KCTD16: variants seen among roughly 807,000 people sequenced by gnomAD.
KCTD16 encodes potassium channel tetramerization domain containing 16, also known as BTB/POZ domain-containing protein KCTD16.
Under a neutral mutation model 33.2 loss-of-function variants are expected in KCTD16, and 13 were observed. The ratio of observed to expected loss-of-function variants is 0.39; its 90% CI spans 0.25 to 0.62. KCTD16 has a LOEUF of 0.62. Among genes scored for constraint, KCTD16 ranks in the 20% least tolerant of loss-of-function variants. KCTD16 has a pLI of 0.50. For synonymous variants in KCTD16, 197 were observed against 195.3 expected (o/e 1.01, Z -0.07); for missense variants, 441 against 525.1 (o/e 0.84, Z 1.57).
chr5:144,387,045 C>A (rs1475944347), intron 3 of KCTD16, among the ~76,000 whole-genome samples: 2 of 151,968 alleles, frequency 1.3e-5, no homozygotes, highest in Non-Finnish European at 2.9e-5. Flanking sequence ...TGGCTCACTG[C>A]AGCCTCAGTC....
At position 144,482,488 on chromosome 5, in the gene KCTD16, T is replaced by A. The variant is rs1754723325; in HGVS notation, c.*8374T>A. On this transcript the variant is annotated 3_prime_UTR_variant, in exon 4 of 4. Coordinates refer to ENST00000512467, the MANE Select transcript of KCTD16 (RefSeq NM_020768.4). The stretch of plus-strand genomic sequence containing the variant: ...AAATAGGTGTATGAGCGTGTTTATA[T>A]GTGTTTATGCATGAGTGTATCTAGG... The A allele has an allele frequency of 6.6e-6, 1 of 151,844 alleles. No homozygotes were observed. The highest frequency in any genetic ancestry group is 2.4e-5 in the African/African-American group (1 of 41,396). The allele number at this position is 151,844 out of a possible 1,614,324, so 9.4% of individuals were successfully genotyped here. A position where few individuals can be genotyped will look rare whatever the true frequency, so the allele number is the denominator to read the frequency against.
At chr5:144,390,535 T>A (rs983318990) in intron 3 of KCTD16, among the ~76,000 whole-genome samples, 46 of 151,708 alleles carry the variant, frequency 3.0e-4, no homozygotes, top group African/African-American at 1.1e-3. Flanking sequence ...AATTTTTTTT[T>A]TTATTATTAT....
intron 3 of KCTD16, among the ~76,000 whole-genome samples, chr5:144,361,615 C>T (rs1413829086): frequency 1.3e-5 from 2 of 152,154 alleles, no homozygotes; most frequent in African/African-American, 4.8e-5. Context: ...TTACTACCAC[C>T]TCAGGCTATG....
rs1231177337 is a variant in KCTD16 at position 144,476,020 on chromosome 5, A to G, written c.*1906A>G. The G allele has an allele frequency of 4.6e-5, 7 of 152,326 alleles. No individual in the cohort carries two copies. Among genetic ancestry groups the G allele is most frequent in the African/African-American group, 1.4e-4 (6 of 41,584 alleles). 9.4% of individuals were successfully genotyped at this position (152,326 alleles called of 1,614,324 possible). On this transcript the variant is annotated 3_prime_UTR_variant, in exon 4 of 4. Coordinates refer to ENST00000512467, the MANE Select transcript of KCTD16 (RefSeq NM_020768.4). ...GAATTTAAGTGGTATTCTTTTCTGT[A>G]TTAATATATTAGCAGATATTTGGTC...
At chr5:144,264,672 C>G (rs575063738) in intron 3 of KCTD16, among the ~76,000 whole-genome samples, 1 of 152,190 alleles carries the variant, frequency 6.6e-6, no homozygotes, top group South Asian at 2.1e-4. Context: ...ATTCAGGAGG[C>G]TGAGATGGGA....
intron 3 of KCTD16, among the ~76,000 whole-genome samples, chr5:144,301,671 G>A (rs566103224): frequency 8.9e-4 from 135 of 152,218 alleles, no homozygotes; most frequent in African/African-American, 3.0e-3. Context: ...CTTTGGTAAC[G>A]CTCTGTCATT....
intron 3 of KCTD16, among the ~76,000 whole-genome samples, chr5:144,287,912 G>A (rs984355042): frequency 1.3e-5 from 2 of 152,134 alleles, no homozygotes; most frequent in Non-Finnish European, 2.9e-5. Flanking sequence ...GGGATTACAG[G>A]CATGAGACAA....
At chr5:144,429,992 T>C (rs1753422150) in intron 3 of KCTD16, among the ~76,000 whole-genome samples, 1 of 152,058 alleles carries the variant, frequency 6.6e-6, no homozygotes, top group African/African-American at 2.4e-5. Flanking sequence ...TAGCTTTTTA[T>C]AGGATAACAA....
At chr5:144,467,431 G>T (rs1754372412) in intron 3 of KCTD16, among the ~76,000 whole-genome samples, 1 of 152,028 alleles carries the variant, frequency 6.6e-6, no homozygotes, top group Non-Finnish European at 1.5e-5. Context: ...GTATGCCCTG[G>T]CATGCTGATC....
intron 3 of KCTD16, among the ~76,000 whole-genome samples, chr5:144,377,233 A>G (rs1320312517): frequency 2.0e-5 from 3 of 152,116 alleles, no homozygotes; most frequent in Non-Finnish European, 4.4e-5. Flanking sequence ...CATCTTAACT[A>G]TAACATTTTC....
At chr5:144,310,812 T>C (rs1751744799) in intron 3 of KCTD16, among the ~76,000 whole-genome samples, 1 of 152,132 alleles carries the variant, frequency 6.6e-6, no homozygotes, top group Non-Finnish European at 1.5e-5. Flanking sequence ...TTACCCAAAC[T>C]GAAATTCACT....
chr5:144,388,065 G>GTTTTT lies in KCTD16; in HGVS notation c.833-85569_833-85565dup, dbSNP rs397999492. Among the ~76,000 whole-genome samples, 201 of 73,656 alleles carry GTTTTT rather than the reference G, an allele frequency of 2.7e-3. 30 individuals carry two copies. The highest frequency in any genetic ancestry group is 6.5e-3 in the African/African-American group (104 of 16,094). 48.3% of individuals were successfully genotyped at this position (73,656 alleles called of 152,430 possible). ...AATCCAGAGTTCAATTTTAGAGCAAGTTTTTTTTTTTTTTTTTTTTTTTTT... is the reference window on the plus strand; with the variant it reads ...AATCCAGAGTTCAATTTTAGAGCAAGTTTTTTTTTTTTTTTTTTTTTTTTTTTTTT... On this transcript the variant is annotated intron_variant, in intron 3 of 3. Coordinates refer to ENST00000512467, the MANE Select transcript of KCTD16 (RefSeq NM_020768.4).
In KCTD16 at chr5:144,207,169, C is replaced by T. The variant is rs1161435355; in HGVS notation, c.455C>T (p.Pro152Leu). ...ASQGSDTRIC[P>L]PSSLLPADRK... is the part of the protein sequence containing the mutation. Reference sequence around the variant, plus strand: ...CAAGGAAGCGACACAAGAATCTGCCCCCCTTCCTCCCTGCTCCCTGCCGAC... The same window carrying T: ...CAAGGAAGCGACACAAGAATCTGCCTCCCTTCCTCCCTGCTCCCTGCCGAC... Residue 152 changes from proline (P) to leucine (L), a missense_variant, in exon 3 of 4, where the codon CCC becomes CTC. Physicochemically the swap from Pro to Leu is moderately conservative, Grantham distance 98. Transcript: ENST00000512467. The T allele has an allele frequency of 6.2e-7, 1 of 1,612,596 alleles. No individual in the cohort carries two copies. The highest frequency in any genetic ancestry group is 8.5e-7 in the Non-Finnish European group (1 of 1,179,390).
In KCTD16 at chr5:144,477,472, A is replaced by G. The variant is rs1390462099; in HGVS notation, c.*3358A>G. The G allele has an allele frequency of 2.0e-5, 3 of 152,126 alleles. No individual in the cohort carries two copies. In the East Asian group the frequency reaches 5.8e-4, roughly 29 times the overall value. The allele number at this position is 152,126 out of a possible 1,614,324, so 9.4% of individuals were successfully genotyped here. On this transcript the variant is annotated 3_prime_UTR_variant, in exon 4 of 4. Coordinates refer to ENST00000512467, the MANE Select transcript of KCTD16 (RefSeq NM_020768.4). ...GGAACACATTTATTAAGGGATGTTG[A>G]CATGGAATTTTTCTCTTTTCAATTA...
chr5:144,249,500 C>T (rs1051819576), intron 3 of KCTD16, among the ~76,000 whole-genome samples: 22 of 152,188 alleles, frequency 1.4e-4, no homozygotes, highest in Middle Eastern at 3.4e-3. Context: ...ACATCTTAAG[C>T]ATTCAGTAAC....
At chr5:144,254,082 T>G (rs1754775958) in intron 3 of KCTD16, among the ~76,000 whole-genome samples, 1 of 152,146 alleles carries the variant, frequency 6.6e-6, no homozygotes, top group Non-Finnish European at 1.5e-5. Flanking sequence ...AAGGCCTGGA[T>G]AGGTCTTTGG....
At chr5:144,344,649 A>G (rs1463185882) in intron 3 of KCTD16, among the ~76,000 whole-genome samples, 2 of 151,462 alleles carry the variant, frequency 1.3e-5, no homozygotes, top group Non-Finnish European at 2.9e-5. Context: ...TCAAAACCAC[A>G]ATGAAATACC....
intron 3 of KCTD16, among the ~76,000 whole-genome samples, chr5:144,455,821 T>C (rs1370775266): frequency 6.6e-6 from 1 of 152,200 alleles, no homozygotes; most frequent in Non-Finnish European, 1.5e-5. Flanking sequence ...TCTGCAAATG[T>C]CTGAGTATAG....
chr5:144,358,242 T>C (rs1440423430), intron 3 of KCTD16, among the ~76,000 whole-genome samples: 1 of 152,080 alleles, frequency 6.6e-6, no homozygotes, highest in Non-Finnish European at 1.5e-5. Flanking sequence ...CCGCCTAGGC[T>C]GTGTTTTAAA....
Sources: allele counts gnomAD v4.1 joint callset (sites outside exome capture counted in the v4.1 genomes callset), GRCh38; gene constraint gnomAD v4.1.1; transcripts MANE v1.5; gene names NCBI Gene and HGNC (gene_info 2026-07-23, HGNC 2026-07-21).